CCSER1: variants seen among roughly 807,000 people sequenced by gnomAD.
CCSER1 encodes serine-rich coiled-coil domain-containing protein 1.
In CCSER1, 41 loss-of-function variants were observed where a neutral mutation model predicts 82.0. The observed-to-expected ratio is 0.50, with a 90% CI of 0.39 to 0.65. The LOEUF (loss-of-function observed/expected upper bound fraction) is 0.65, where lower values mean the gene tolerates loss of function less well. Ranked by LOEUF, CCSER1 falls within the 30% of genes least tolerant of loss-of-function variation. The pLI, the probability that CCSER1 is intolerant of heterozygous loss-of-function variation, is 0.00. For missense variants in CCSER1, 1,119 were observed against 1,064.2 expected (o/e 1.05, Z -0.72); for synonymous variants, 414 against 383.9 (o/e 1.08, Z -0.92).
intron 10 of CCSER1, among the ~76,000 whole-genome samples, chr4:91,114,826 T>A (rs1354408289): frequency 6.6e-6 from 1 of 152,216 alleles, no homozygotes; most frequent in Non-Finnish European, 1.5e-5. Context: ...TGTTAATTAT[T>A]AAAAGGAGTT....
At chr4:90,342,565 T>C (rs6853817) in intron 3 of CCSER1, among the ~76,000 whole-genome samples, 46,096 of 152,076 alleles carry the variant, frequency 0.3, 7,151 homozygotes, top group East Asian at 0.44. Flanking sequence ...CATTATTTTT[T>C]TCATTCCAGT....
At chr4:90,391,485 T>TACAC (rs1215609189) in intron 3 of CCSER1, among the ~76,000 whole-genome samples, 50 of 76,650 alleles carry the variant, frequency 6.5e-4, no homozygotes, top group African/African-American at 1.1e-3. Context: ...TATATATATA[T>TACAC]ACACACACAC....
intron 4 of CCSER1, among the ~76,000 whole-genome samples, chr4:90,439,120 C>T (rs945293007): frequency 6.6e-6 from 1 of 151,916 alleles, no homozygotes; most frequent in Non-Finnish European, 1.5e-5. Flanking sequence ...GGTGAAACCC[C>T]GTCACTAATA....
At chr4:91,205,145 CTT>C (rs1736235832) in intron 10 of CCSER1, among the ~76,000 whole-genome samples, 1 of 151,628 alleles carries the variant, frequency 6.6e-6, no homozygotes, top group African/African-American at 2.4e-5. Context: ...TTTGAAGACT[CTT>C]AAATAGGTTA....
chr4:90,924,517 T>G (rs1015160918), intron 9 of CCSER1, among the ~76,000 whole-genome samples: 1 of 152,204 alleles, frequency 6.6e-6, no homozygotes, highest in Non-Finnish European at 1.5e-5. Context: ...TTTTAAGGTA[T>G]ATTTACTCTA....
intron 7 of CCSER1, among the ~76,000 whole-genome samples, chr4:90,744,257 C>A (rs150915243): frequency 5.9e-5 from 9 of 152,020 alleles, no homozygotes; most frequent in South Asian, 4.1e-4. Context: ...TATACGTATT[C>A]GGTTATGTGT....
At chr4:90,846,046 A>G (rs998605459) in intron 8 of CCSER1, among the ~76,000 whole-genome samples, 1 of 152,190 alleles carries the variant, frequency 6.6e-6, no homozygotes, top group African/African-American at 2.4e-5. Context: ...TCACAGTAGA[A>G]CACTGGATTT....
At chr4:91,147,563 G>C (rs1729671188) in intron 10 of CCSER1, among the ~76,000 whole-genome samples, 1 of 152,218 alleles carries the variant, frequency 6.6e-6, no homozygotes, top group South Asian at 2.1e-4. Flanking sequence ...CTCCAATAGA[G>C]ATCAGCTCAA....
intron 10 of CCSER1, among the ~76,000 whole-genome samples, chr4:91,194,920 C>T (rs987781870): frequency 6.6e-6 from 1 of 152,204 alleles, no homozygotes; most frequent in Admixed American, 6.5e-5. Flanking sequence ...AAATAGCTCA[C>T]ATGCCCTATT....
At chr4:90,523,128 T>A (rs1773340316) in intron 5 of CCSER1, among the ~76,000 whole-genome samples, 1 of 152,174 alleles carries the variant, frequency 6.6e-6, no homozygotes, top group Admixed American at 6.5e-5. Context: ...TATTGACTGT[T>A]ATTTTAAGCC....
intron 9 of CCSER1, among the ~76,000 whole-genome samples, chr4:90,940,491 T>C (rs1394973351): frequency 6.6e-6 from 1 of 151,184 alleles, no homozygotes; most frequent in Non-Finnish European, 1.5e-5. Context: ...AAGTGTTTTA[T>C]AAATATTTAT....
chr4:90,902,447 T>C (rs1239554404), intron 8 of CCSER1, among the ~76,000 whole-genome samples: 1 of 152,110 alleles, frequency 6.6e-6, no homozygotes, highest in Non-Finnish European at 1.5e-5. Flanking sequence ...TGCTATCATT[T>C]GGATGGAAGA....
intron 1 of CCSER1, among the ~76,000 whole-genome samples, chr4:90,194,975 A>C (rs6840905): frequency 0.58 from 87,825 of 151,868 alleles, 26,221 homozygotes; most frequent in African/African-American, 0.73. Flanking sequence ...AAAAAGGTTG[A>C]AAATGAAGGA....
In CCSER1 at chr4:91,598,643, C is replaced by T; in HGVS notation, c.2289C>T (p.Thr763=). 1.3e-6 allele frequency: 2 copies of T among 1,551,434 alleles called. No homozygotes were observed. The highest frequency in any genetic ancestry group is 1.7e-6 in the Non-Finnish European group (2 of 1,146,890). ...ACAGAAAAGCAATACATACTCCCAC[C>T]GAGGACCGTTTTAGGTATTCGGCAG... is the stretch of plus-strand genomic sequence containing the variant. The part of the protein sequence containing the change: ...TRDRKAIHTP[T]EDRFRYSAAD... The change falls in exon 11 of 11, where the codon ACC becomes ACT. Residue 763 remains threonine, a synonymous_variant. Coordinates refer to ENST00000509176, the MANE Select transcript of CCSER1 (RefSeq NM_001145065.2).
intron 10 of CCSER1, among the ~76,000 whole-genome samples, chr4:91,553,351 A>G (rs1762249567): frequency 1.3e-5 from 2 of 151,444 alleles, no homozygotes; most frequent in Admixed American, 6.6e-5. Flanking sequence ...TTATTGGCCT[A>G]TAATTTTTAT....
intron 1 of CCSER1, among the ~76,000 whole-genome samples, chr4:90,155,007 G>C (rs1054199840): frequency 6.0e-4 from 92 of 152,250 alleles, no homozygotes; most frequent in African/African-American, 2.0e-3. Context: ...TATGATATTG[G>C]CTGTGGGTTT....
chr4:91,556,363 T>C (rs1762403997), intron 10 of CCSER1, among the ~76,000 whole-genome samples: 1 of 150,960 alleles, frequency 6.6e-6, no homozygotes, highest in Non-Finnish European at 1.5e-5. Context: ...GGATTATTAA[T>C]AAACTTAAAG....
At chr4:90,619,141 TA>T (rs992168195) in intron 5 of CCSER1, among the ~76,000 whole-genome samples, 7 of 152,074 alleles carry the variant, frequency 4.6e-5, no homozygotes, top group African/African-American at 1.7e-4. Flanking sequence ...GTAAATATAG[TA>T]AAAACTACAA....
chr4:90,335,989 C>T (rs763980271), intron 3 of CCSER1, among the ~76,000 whole-genome samples: 1 of 152,178 alleles, frequency 6.6e-6, no homozygotes, highest in Non-Finnish European at 1.5e-5. Flanking sequence ...TAAGAACACT[C>T]ACCATTTCTA....
Sources: gnomAD v4.1 joint callset for allele counts (sites outside exome capture counted in the v4.1 genomes callset) on GRCh38, gnomAD v4.1.1 for gene constraint, MANE v1.5 for transcripts, NCBI Gene and HGNC (gene_info 2026-07-23, HGNC 2026-07-21) for gene names.